The following CHLSN variants were observed in gnomAD, a reference collection of about 807,000 sequenced individuals.
CHLSN encodes the protein protein cholesin.
chr7:1,102,308 C>T, the CHLSN span, among the ~76,000 whole-genome samples: 748 of 152,368 alleles, frequency 4.9e-3, 4 homozygotes, highest in African/African-American at 0.017. Context: ...CAGTTCCCTT[C>T]TCCACCGCGC....
At chr7:980,684 C>CTTTTTTTT in the CHLSN span, among the ~76,000 whole-genome samples, 1 of 97,044 alleles carries the variant, frequency 1.0e-5, no homozygotes, top group African/African-American at 4.0e-5. Flanking sequence ...GTAACAGTTA[C>CTTTTTTTT]TTTTTTTTTT....
the CHLSN span, among the ~76,000 whole-genome samples, chr7:998,219 G>T: frequency 6.6e-6 from 1 of 152,204 alleles, no homozygotes; most frequent in East Asian, 1.9e-4. Context: ...TCTCTTGGTG[G>T]CCTGACCCTT....
the CHLSN span, among the ~76,000 whole-genome samples, chr7:1,110,812 TAA>T: frequency 2.9e-5 from 4 of 137,036 alleles, no homozygotes; most frequent in Admixed American, 7.3e-5. Flanking sequence ...TAGAAGTGGT[TAA>T]AAAAAAAAAA....
the CHLSN span, among the ~76,000 whole-genome samples, chr7:1,009,594 GCCA>G: frequency 2.0e-5 from 3 of 152,162 alleles, no homozygotes; most frequent in Non-Finnish European, 4.4e-5. Context: ...AGGGCTGAAG[GCCA>G]CCACGAGTTC....
the CHLSN span, among the ~76,000 whole-genome samples, chr7:1,073,171 C>T: frequency 3.3e-5 from 5 of 152,136 alleles, no homozygotes; most frequent in African/African-American, 1.2e-4. Context: ...GAAGGCGCTC[C>T]TCTGGCCTCT....
At chr7:996,490 T>G in the CHLSN span, among the ~76,000 whole-genome samples, 1 of 152,160 alleles carries the variant, frequency 6.6e-6, no homozygotes, top group Non-Finnish European at 1.5e-5. Context: ...CAACCTGGGC[T>G]GGGCAGGAGG....
chr7:1,011,305 G>A, the CHLSN span, among the ~76,000 whole-genome samples: 5 of 103,228 alleles, frequency 4.8e-5, no homozygotes, highest in African/African-American at 1.5e-4. Context: ...ACACCCACAC[G>A]CCCAGACACC....
chr7:1,094,315 C>A, the CHLSN span, among the ~76,000 whole-genome samples: 4 of 152,224 alleles, frequency 2.6e-5, no homozygotes, highest in African/African-American at 9.6e-5. Flanking sequence ...CCTGCTTCTC[C>A]GTCTTCACAG....
At chr7:1,069,192 G>A in the CHLSN span, among the ~76,000 whole-genome samples, 3 of 152,200 alleles carry the variant, frequency 2.0e-5, no homozygotes, top group South Asian at 2.1e-4. Flanking sequence ...TTAGCTGGGC[G>A]TGGTGGCACA....
At chr7:1,039,563 C>T in the CHLSN span, among the ~76,000 whole-genome samples, 4 of 56,752 alleles carry the variant, frequency 7.0e-5, 1 homozygote, top group Non-Finnish European at 1.2e-4. Flanking sequence ...TGTCAGCCCC[C>T]CCGCCCGGCC....
At chr7:1,125,856 T>C in the CHLSN span, among the ~76,000 whole-genome samples, 2 of 152,236 alleles carry the variant, frequency 1.3e-5, no homozygotes, top group Non-Finnish European at 2.9e-5. Context: ...GATTTCACTT[T>C]ATGTAGAATC....
the CHLSN span, among the ~76,000 whole-genome samples, chr7:1,054,268 G>A: frequency 5.9e-5 from 9 of 152,202 alleles, no homozygotes; most frequent in Admixed American, 6.5e-5. Flanking sequence ...AAACAGGTAC[G>A]GCTCGGCTTG....
chr7:1,047,090 A>G, the CHLSN span, among the ~76,000 whole-genome samples: 1 of 152,184 alleles, frequency 6.6e-6, no homozygotes, highest in East Asian at 1.9e-4. Context: ...GGTCTGATGT[A>G]CCTGGAGAGG....
the CHLSN span, among the ~76,000 whole-genome samples, chr7:1,035,487 CAATA>C: frequency 6.6e-6 from 1 of 152,330 alleles, no homozygotes; most frequent in East Asian, 1.9e-4. Flanking sequence ...CACAGGAAAA[CAATA>C]AACCTCGAAC....
the CHLSN span, among the ~76,000 whole-genome samples, chr7:1,005,695 A>C: frequency 1.5e-4 from 23 of 152,242 alleles, no homozygotes; most frequent in Admixed American, 1.5e-3. Context: ...AAGGAAGCTA[A>C]GACACCATGC....
the CHLSN span, among the ~76,000 whole-genome samples, chr7:1,019,098 G>A: frequency 6.6e-6 from 1 of 151,242 alleles, no homozygotes; most frequent in Admixed American, 6.6e-5. Flanking sequence ...GAGAGGCTGC[G>A]GCAGAACTGC....
At chr7:1,076,373 C>T in the CHLSN span, among the ~76,000 whole-genome samples, 18 of 152,310 alleles carry the variant, frequency 1.2e-4, no homozygotes, top group African/African-American at 2.6e-4. Flanking sequence ...CAAGGAGCAC[C>T]CTTTCCTGAG....
the CHLSN span, among the ~76,000 whole-genome samples, chr7:995,076 G>C: frequency 6.6e-6 from 1 of 152,266 alleles, no homozygotes; most frequent in Non-Finnish European, 1.5e-5. Flanking sequence ...TGGCTCAGGA[G>C]TCCCGCACAA....
chr7:1,112,339 C>T, the CHLSN span, among the ~76,000 whole-genome samples: 1 of 152,226 alleles, frequency 6.6e-6, no homozygotes, highest in Non-Finnish European at 1.5e-5. Flanking sequence ...ATGAGAGAGG[C>T]CGGCCGGGAG....
Sources: allele counts gnomAD v4.1 joint callset (sites outside exome capture counted in the v4.1 genomes callset), GRCh38; gene constraint gnomAD v4.1.1; transcripts MANE v1.5; gene names NCBI Gene and HGNC (gene_info 2026-07-23, HGNC 2026-07-21).